Variants in CACNA1C observed in about 807,000 individuals in gnomAD.
CACNA1C encodes voltage-dependent L-type calcium channel subunit alpha-1C.
A neutral mutation model predicts 229.0 loss-of-function variants in CACNA1C; 30 were observed. That is an observed-to-expected ratio of 0.13 (90% CI 0.10 to 0.18). The LOEUF is 0.18. CACNA1C is among the 10% of genes least tolerant of loss of function. The pLI, the probability that CACNA1C is intolerant of heterozygous loss-of-function variation, is 1.00. For missense variants in CACNA1C, 1,658 were observed against 2,845.0 expected, an observed-to-expected ratio of 0.58 and a Z score of 9.49; for synonymous variants, 1,114 against 1,132.5, an observed-to-expected ratio of 0.98 and a Z score of 0.33.
chr12:2,407,304 C>T (rs1447693977), intron 3 of CACNA1C, among the ~76,000 whole-genome samples: 2 of 151,506 alleles, frequency 1.3e-5, no homozygotes, highest in Non-Finnish European at 2.9e-5. Context: ...CTCATCATGA[C>T]CCAGTGGGAA....
Position 2,467,258 on chromosome 12 carries a change from G to A in CACNA1C, c.757+9552G>A, listed in dbSNP as rs1230601982. Among the ~76,000 whole-genome samples the A allele has an allele frequency of 1.3e-5, 2 of 152,180 alleles. No individual in the cohort carries two copies. Among genetic ancestry groups the A allele is most frequent in the Non-Finnish European group, 2.9e-5 (2 of 68,034 alleles). On this transcript the variant is annotated intron_variant, in intron 5 of 46. Transcript: ENST00000399655. This position sits in a 1 kb window ranked among gnomAD's most constrained non-coding sequence, Gnocchi z 4.6. ...CATGGCACTGTTCCTGAATCCGAAT[G>A]TCTGGGTGGGAGGGGACTAGGCTAG...
At chr12:2,198,591 G>A (rs561163610) in intron 3 of CACNA1C, among the ~76,000 whole-genome samples, 1 of 152,190 alleles carries the variant, frequency 6.6e-6, no homozygotes, top group Non-Finnish European at 1.5e-5. Context: ...AGGCTTGGAG[G>A]AAAAGGCAAA....
At chr12:2,455,282 A>G (rs1321068613) in intron 4 of CACNA1C, among the ~76,000 whole-genome samples, 1 of 152,220 alleles carries the variant, frequency 6.6e-6, no homozygotes, top group Non-Finnish European at 1.5e-5. Context: ...AGACTTGTCT[A>G]TACGGTAGCC....
Position 2,584,593 on chromosome 12 carries a change from A to C in CACNA1C, c.2315A>C (p.Glu772Ala). The change falls in exon 16 of 47, where the codon GAG (glutamate) becomes GCG (alanine). Residue 772 changes from glutamate to alanine, a missense_variant. Glu to Ala is a moderately radical substitution (Grantham distance 107). Transcript: ENST00000399655. ...TCTGCCCAAAAGGAGGAGGAAGAGG[A>C]GAAGGAGAGAAAGAAGCTGGCCAGG... ...LTSAQKEEEE[E>A]KERKKLARTA... 6.2e-7 allele frequency: 1 copy of C among 1,613,120 alleles called. No homozygotes were observed. The highest frequency in any genetic ancestry group is 8.5e-7 in the Non-Finnish European group (1 of 1,179,316).
intron 42 of CACNA1C, chr12:2,681,968 G>T: frequency 6.2e-7 from 1 of 1,607,820 alleles, no homozygotes; most frequent in South Asian, 1.1e-5. Context: ...ACGTTCCGAT[G>T]TGTGAGGATC....
intron 3 of CACNA1C, among the ~76,000 whole-genome samples, chr12:2,136,974 G>A (rs558702785): frequency 2.0e-5 from 3 of 151,464 alleles, no homozygotes; most frequent in South Asian, 2.1e-4. Flanking sequence ...GAGCTGCTGG[G>A]CCTGCATTTG....
At chr12:2,288,649 T>C (rs2093057885) in intron 3 of CACNA1C, 1 of 152,200 alleles carries the variant, frequency 6.6e-6, no homozygotes, top group Admixed American at 6.5e-5. Flanking sequence ...GTGCCTCCCT[T>C]CTGTCTGTTT....
chr12:1,985,135 G>A (rs1369178061), intron 1 of CACNA1C, among the ~76,000 whole-genome samples: 1 of 151,980 alleles, frequency 6.6e-6, no homozygotes, highest in Non-Finnish European at 1.5e-5. Context: ...GATTCACTGA[G>A]TTCCTTGAAT....
chr12:2,006,540 A>G (rs759891521), intron 1 of CACNA1C, among the ~76,000 whole-genome samples: 2 of 152,264 alleles, frequency 1.3e-5, no homozygotes, highest in Non-Finnish European at 2.9e-5. Flanking sequence ...CTGTGCAGAC[A>G]TTACTACTCA....
At chr12:2,663,473 T>A (rs914443602) in intron 34 of CACNA1C, among the ~76,000 whole-genome samples, 9 of 152,266 alleles carry the variant, frequency 5.9e-5, no homozygotes, top group African/African-American at 2.2e-4. Context: ...CTCCTGGGTA[T>A]CCACCCAGAG....
intron 3 of CACNA1C, among the ~76,000 whole-genome samples, chr12:2,175,738 A>G (rs994001450): frequency 6.6e-6 from 1 of 152,154 alleles, no homozygotes. Flanking sequence ...GAATTCTTCT[A>G]TAAAGAAGAA....
intron 1 of CACNA1C, among the ~76,000 whole-genome samples, chr12:2,037,066 G>A (rs1240366538): frequency 6.6e-6 from 1 of 152,180 alleles, no homozygotes; most frequent in African/African-American, 2.4e-5. Flanking sequence ...GCTCCAGGTG[G>A]CATGAGTTAC....
At chr12:2,668,633 G>A in intron 37 of CACNA1C, 1 of 299,404 alleles carries the variant, frequency 3.3e-6, no homozygotes, top group Non-Finnish European at 6.3e-6. Flanking sequence ...AGGGGAGGCA[G>A]GTACGTCACA....
At chr12:2,577,632 C>T (rs922682008) in intron 13 of CACNA1C, among the ~76,000 whole-genome samples, 1 of 152,210 alleles carries the variant, frequency 6.6e-6, no homozygotes, top group Non-Finnish European at 1.5e-5. Flanking sequence ...CACAAACACA[C>T]ATGCACAGAA....
chr12:2,127,555 A>G (rs1479955631), intron 3 of CACNA1C, among the ~76,000 whole-genome samples: 3 of 152,222 alleles, frequency 2.0e-5, no homozygotes, highest in African/African-American at 7.2e-5. Context: ...CCACATAGCT[A>G]CTGTATCATG....
intron 1 of CACNA1C, among the ~76,000 whole-genome samples, chr12:2,070,395 TTTTC>T (rs2060763629): frequency 6.6e-6 from 1 of 152,032 alleles, no homozygotes; most frequent in Non-Finnish European, 1.5e-5. Flanking sequence ...CTTGCATTCC[TTTTC>T]TTCTTTCTGA....
chr12:2,423,098 T>G (rs1490386045), intron 3 of CACNA1C, among the ~76,000 whole-genome samples: 1 of 151,684 alleles, frequency 6.6e-6, no homozygotes, highest in African/African-American at 2.4e-5. Flanking sequence ...TGGGGGATTG[T>G]GCAAGATAAC....
intron 4 of CACNA1C, among the ~76,000 whole-genome samples, chr12:2,453,096 G>A (rs1487747321): frequency 6.6e-6 from 1 of 152,118 alleles, no homozygotes; most frequent in Non-Finnish European, 1.5e-5. Context: ...AGAACCCACT[G>A]TTGAGAGTCT....
At chr12:2,190,086 AGAT>A (rs1242939158) in intron 3 of CACNA1C, among the ~76,000 whole-genome samples, 3 of 152,234 alleles carry the variant, frequency 2.0e-5, no homozygotes, top group Non-Finnish European at 4.4e-5. Context: ...ACTAAAAATG[AGAT>A]GATGTGAAAT....
Sources: gnomAD v4.1 joint callset for allele counts (sites outside exome capture counted in the v4.1 genomes callset) on GRCh38, gnomAD v4.1.1 for gene constraint, Gnocchi (gnomAD v3.1) non-coding constraint, MANE v1.5 for transcripts, NCBI Gene and HGNC (gene_info 2026-07-23, HGNC 2026-07-21) for gene names.